The following SNRPN variants were observed in gnomAD, a reference collection of about 807,000 sequenced individuals.
The protein encoded by SNRPN is small nuclear ribonucleoprotein polypeptide N.
In SNRPN, 7 loss-of-function variants were observed where a neutral mutation model predicts 25.2. That is an observed-to-expected ratio of 0.28 (90% confidence interval 0.16 to 0.52). The LOEUF (loss-of-function observed/expected upper bound fraction) is 0.52. Ranked by LOEUF, SNRPN falls within the 20% of genes least tolerant of loss-of-function variation. The probability of loss-of-function intolerance (pLI) is 0.96; values close to 1 mark genes in which losing one functional copy is unlikely to be tolerated. For synonymous variants in SNRPN, 124 were observed against 110.6 expected (o/e 1.12, Z -0.76); for missense variants, 196 against 322.5 (o/e 0.61, Z 3.00).
intron 3 of SNRPN, among the ~76,000 whole-genome samples, chr15:24,926,958 C>T (rs1429360463): frequency 6.6e-6 from 1 of 152,090 alleles, no homozygotes; most frequent in African/African-American, 2.4e-5. Flanking sequence ...CTGCACTAGA[C>T]CATGATCACA....
At chr15:24,960,975 TTTTG>T (rs1431694294) in intron 1 of SNRPN, among the ~76,000 whole-genome samples, 2 of 152,210 alleles carry the variant, frequency 1.3e-5, no homozygotes, top group African/African-American at 2.4e-5. Context: ...TGGATTTTCT[TTTTG>T]TTTGTTTTGG....
intron 2 of SNRPN, among the ~76,000 whole-genome samples, chr15:24,841,809 G>C (rs986562604): frequency 6.6e-6 from 1 of 152,068 alleles, no homozygotes; most frequent in Non-Finnish European, 1.5e-5. Flanking sequence ...ATGCCTCAGG[G>C]ACCATACAAG....
chr15:24,914,519 G>A (rs117664474), intron 2 of SNRPN, among the ~76,000 whole-genome samples: 2 of 151,882 alleles, frequency 1.3e-5, no homozygotes, highest in Non-Finnish European at 1.5e-5. Flanking sequence ...GCAACATAGC[G>A]GGATAGTGAG....
chr15:24,924,649 C>CT (rs774430880), intron 3 of SNRPN, among the ~76,000 whole-genome samples: 133 of 145,338 alleles, frequency 9.2e-4, no homozygotes, highest in Middle Eastern at 7.1e-3. Context: ...TGCCCGGCTA[C>CT]TTTTTTTTTT....
intron 2 of SNRPN, among the ~76,000 whole-genome samples, chr15:24,837,913 G>A (rs1223207549): frequency 6.6e-6 from 1 of 151,484 alleles, no homozygotes; most frequent in Admixed American, 6.6e-5. Flanking sequence ...AGTAGAGACA[G>A]GGTTTCACCA....
intron 2 of SNRPN, among the ~76,000 whole-genome samples, chr15:24,892,630 G>A (rs538568597): frequency 8.5e-4 from 97 of 114,718 alleles, no homozygotes; most frequent in African/African-American, 1.3e-3. Context: ...CCAGCTACTC[G>A]GGAGGCTGAG....
intron 2 of SNRPN, among the ~76,000 whole-genome samples, chr15:24,888,284 T>C (rs563709483): frequency 1.3e-5 from 2 of 152,114 alleles, no homozygotes; most frequent in South Asian, 4.2e-4. Context: ...AATTTTTGTA[T>C]TTTTAGTAGA....
upstream of SNRPN, among the ~76,000 whole-genome samples, chr15:24,854,756 A>T (rs539867413): frequency 3.4e-4 from 52 of 152,202 alleles, no homozygotes; most frequent in Non-Finnish European, 2.8e-4. Flanking sequence ...CTGTAATCCC[A>T]GCACTTGAGG....
chr15:24,827,515 CAAA>C (rs58393593), intron 1 of SNRPN, among the ~76,000 whole-genome samples: 138 of 96,754 alleles, frequency 1.4e-3, no homozygotes, highest in Admixed American at 4.3e-3. Flanking sequence ...GACTCTGTCT[CAAA>C]AAAAAAAAAA....
chr15:24,855,443 T>A (rs2053295570), upstream of SNRPN, among the ~76,000 whole-genome samples: 1 of 152,134 alleles, frequency 6.6e-6, no homozygotes, highest in Non-Finnish European at 1.5e-5. Context: ...ACATCACGTG[T>A]TTTAGAATAT....
intron 2 of SNRPN, among the ~76,000 whole-genome samples, chr15:24,912,920 A>C (rs550714620): frequency 6.6e-6 from 1 of 152,234 alleles, no homozygotes; most frequent in African/African-American, 2.4e-5. Flanking sequence ...GTTCTTTATA[A>C]GTTACTCATT....
At chr15:24,825,520 G>A (rs1375908935) in intron 1 of SNRPN, among the ~76,000 whole-genome samples, 1 of 151,870 alleles carries the variant, frequency 6.6e-6, no homozygotes, top group African/African-American at 2.4e-5. Flanking sequence ...CTTAAGTTGG[G>A]GCTACTTCCC....
At chr15:24,935,981 A>G (rs1281919221) in intron 3 of SNRPN, among the ~76,000 whole-genome samples, 3 of 151,964 alleles carry the variant, frequency 2.0e-5, no homozygotes, top group African/African-American at 2.4e-5. Flanking sequence ...TGGGCATGGT[A>G]GCGCATGCCT....
chr15:24,879,805 G>C (rs957452021), intron 1 of SNRPN, among the ~76,000 whole-genome samples: 1 of 152,180 alleles, frequency 6.6e-6, no homozygotes, highest in Non-Finnish European at 1.5e-5. Flanking sequence ...GGCAGTAGTT[G>C]CAAGAGACAG....
At chr15:24,970,614 T>C (rs1398275145) in intron 3 of SNRPN, among the ~76,000 whole-genome samples, 3 of 152,186 alleles carry the variant, frequency 2.0e-5, no homozygotes, top group African/African-American at 7.2e-5. Context: ...TCTGTTTTTC[T>C]TTGGTACCTA....
chr15:24,895,566 G>C (rs2058037497), intron 2 of SNRPN, among the ~76,000 whole-genome samples: 1 of 152,012 alleles, frequency 6.6e-6, no homozygotes, highest in Non-Finnish European at 1.5e-5. Flanking sequence ...GATGGCATTT[G>C]GTATTGGAAA....
chr15:24,863,140 C>A (rs536134447), intron 1 of SNRPN, among the ~76,000 whole-genome samples: 1 of 150,440 alleles, frequency 6.6e-6, no homozygotes, highest in East Asian at 2.0e-4. Flanking sequence ...GGAGCAGTAG[C>A]ATTACCAGGA....
chr15:24,911,557 G>C (rs2059218371), intron 2 of SNRPN, among the ~76,000 whole-genome samples: 1 of 152,118 alleles, frequency 6.6e-6, no homozygotes, highest in East Asian at 1.9e-4. Flanking sequence ...GGTTCAGGTG[G>C]GCCCAGGTAC....
chr15:24,926,523 A>G (rs2060390771), intron 3 of SNRPN, among the ~76,000 whole-genome samples: 1 of 152,016 alleles, frequency 6.6e-6, no homozygotes, highest in African/African-American at 2.4e-5. Flanking sequence ...CCATGCTGTT[A>G]TATTCCTTCC....
Sources: gnomAD v4.1 joint callset for allele counts (sites outside exome capture counted in the v4.1 genomes callset) on GRCh38, gnomAD v4.1.1 for gene constraint, MANE v1.5 for transcripts, NCBI Gene and HGNC (gene_info 2026-07-23, HGNC 2026-07-21) for gene names.